The following LPA variants were observed in gnomAD, a reference collection of about 807,000 sequenced individuals.
The protein encoded by LPA is lipoprotein(a).
In LPA, 199 loss-of-function variants were observed where a neutral mutation model predicts 197.9. The ratio of observed to expected loss-of-function variants is 1.01; its 90% CI spans 0.90 to 1.13. The LOEUF is 1.13. LPA is among the 50% of genes most tolerant of loss of function. The pLI is 0.00. For synonymous variants in LPA, 715 were observed against 639.5 expected, an observed-to-expected ratio of 1.12 and a Z score of -1.78; for missense variants, 1,853 against 1,785.8, an observed-to-expected ratio of 1.04 and a Z score of -0.68.
chr6:160,610,699 T>C (rs1779481546), intron 16 of LPA, among the ~76,000 whole-genome samples: 1 of 152,086 alleles, frequency 6.6e-6, no homozygotes, highest in African/African-American at 2.4e-5. Context: ...ACCAGAGTCA[T>C]CCCAAACTCC....
intron 19 of LPA, among the ~76,000 whole-genome samples, chr6:160,600,237 G>A (rs955495215): frequency 4.6e-5 from 7 of 152,096 alleles, no homozygotes; most frequent in Non-Finnish European, 1.0e-4. Flanking sequence ...AATAAGATAG[G>A]GAATCCTCTC....
chr6:160,613,373 AAC>A (rs1246022113), intron 14 of LPA, among the ~76,000 whole-genome samples: 4 of 78,552 alleles, frequency 5.1e-5, no homozygotes, highest in Non-Finnish European at 8.5e-5. Context: ...ACACTGAGAT[AAC>A]ACACACACGT....
At position 160,589,623 on chromosome 6, in the gene LPA, T is replaced by C; in HGVS notation, c.3877A>G (p.Arg1293Gly). Residue 1293 changes from arginine (R) to glycine (G), a missense_variant, in exon 24 of 39, where the codon AGG (arginine) becomes GGG (glycine). Arg to Gly is a moderately radical substitution (Grantham distance 125). Around this residue, in one of 3 missense-constraint regions of LPA, gnomAD observed 1,737 missense variants for 1,504.4 expected, o/e 1.15. Transcript: ENST00000316300. The part of the protein sequence containing the change: ...RGSFSTTVTG[R>G]TCQSWSSMTP... ...ATAGAGGACCAAGACTGACATGTCC[T>C]TCCTGTAACAGTGGTGGAGAATGAG... The C allele has an allele frequency of 6.2e-7, 1 of 1,613,992 alleles. No homozygotes were observed. Among genetic ancestry groups the C allele is most frequent in the Non-Finnish European group, 8.5e-7 (1 of 1,179,884 alleles).
chr6:160,657,676 C>T (rs188308776), intron 1 of LPA, among the ~76,000 whole-genome samples: 9 of 152,298 alleles, frequency 5.9e-5, no homozygotes, highest in East Asian at 5.8e-4. Flanking sequence ...GGATTACAGG[C>T]GTGAGCCACT....
intron 25 of LPA, among the ~76,000 whole-genome samples, chr6:160,585,521 A>G (rs1394044825): frequency 6.6e-6 from 1 of 152,136 alleles, no homozygotes; most frequent in East Asian, 1.9e-4. Flanking sequence ...CTGGGTGTTC[A>G]TGAGAACAAG....
chr6:160,563,174 G>C (rs1778391440), intron 28 of LPA, among the ~76,000 whole-genome samples: 1 of 152,120 alleles, frequency 6.6e-6, no homozygotes, highest in Non-Finnish European at 1.5e-5. Context: ...GTTGATTTTA[G>C]ATCTTTCCCG....
intron 26 of LPA, among the ~76,000 whole-genome samples, chr6:160,584,356 G>A (rs571848809): frequency 0.078 from 7,545 of 96,460 alleles, 425 homozygotes; most frequent in Non-Finnish European, 0.12. Flanking sequence ...TTTTGAGATT[G>A]AGTCTTGCTC....
intron 2 of LPA, among the ~76,000 whole-genome samples, chr6:160,648,028 C>T (rs575145211): frequency 6.6e-5 from 10 of 152,220 alleles, no homozygotes; most frequent in East Asian, 5.8e-4. Context: ...TTACAGTTTC[C>T]GGTTTCTTTG....
intron 28 of LPA, among the ~76,000 whole-genome samples, chr6:160,568,151 C>A (rs1374168397): frequency 6.6e-6 from 1 of 152,184 alleles, no homozygotes; most frequent in Admixed American, 6.5e-5. Context: ...AGGCCAGCAT[C>A]ATCCTGATAC....
intron 1 of LPA, among the ~76,000 whole-genome samples, chr6:160,661,264 G>A (rs989590050): frequency 3.9e-5 from 6 of 152,268 alleles, no homozygotes; most frequent in Non-Finnish European, 7.3e-5. Context: ...TTTGAGGGGT[G>A]TGGTGGGGGC....
At chr6:160,581,311 A>T (rs965037995) in intron 26 of LPA, among the ~76,000 whole-genome samples, 2 of 151,660 alleles carry the variant, frequency 1.3e-5, no homozygotes, top group Admixed American at 6.6e-5. Context: ...TGTTTGTTTG[A>T]GAGAGAGAGG....
intron 35 of LPA, among the ~76,000 whole-genome samples, chr6:160,540,723 T>G (rs1381529125): frequency 6.6e-6 from 1 of 152,214 alleles, no homozygotes; most frequent in East Asian, 1.9e-4. Flanking sequence ...CTGTAAAGCC[T>G]GCAGAAACAT....
In LPA at chr6:160,654,003, T is replaced by TAATATATAA. The variant is rs1780065661; in HGVS notation, c.50-3507_50-3506insTTATATATT. On this transcript the variant is annotated intron_variant, in intron 1 of 38. Transcript: ENST00000316300. ...TATAATATATAATATATATTATATATAATATATATTATATATAATATATAA... is the reference window on the plus strand; with the variant it reads ...TATAATATATAATATATATTATATATAATATATAAAATATATATTATATATAATATATAA... Among the ~76,000 whole-genome samples, 13 of 29,962 alleles carry TAATATATAA rather than the reference T, an allele frequency of 4.3e-4. 2 individuals are homozygous for TAATATATAA. Among genetic ancestry groups the TAATATATAA allele is most frequent in the African/African-American group, 2.5e-3 (12 of 4,856 alleles). The allele number at this position is 29,962 out of a possible 152,430, so 19.7% of individuals were successfully genotyped here. A position where few individuals can be genotyped will look rare whatever the true frequency, so the allele number is the denominator to read the frequency against.
intron 28 of LPA, among the ~76,000 whole-genome samples, chr6:160,569,664 G>A (rs1160376242): frequency 2.0e-5 from 3 of 152,118 alleles, no homozygotes; most frequent in East Asian, 1.9e-4. Context: ...CTTCTGCACA[G>A]CAAAAGAAAC....
intron 26 of LPA, among the ~76,000 whole-genome samples, chr6:160,583,780 T>C (rs1441755952): frequency 6.6e-6 from 1 of 152,134 alleles, no homozygotes; most frequent in Non-Finnish European, 1.5e-5. Flanking sequence ...AACTCCAGTC[T>C]CTCTCCCCAG....
intron 28 of LPA, among the ~76,000 whole-genome samples, chr6:160,560,251 C>G (rs572380964): frequency 2.6e-5 from 4 of 152,138 alleles, no homozygotes; most frequent in Non-Finnish European, 4.4e-5. Flanking sequence ...AATAAACATA[C>G]GTGTGCATGT....
intron 17 of LPA, among the ~76,000 whole-genome samples, chr6:160,605,597 G>T (rs1216064374): frequency 2.0e-5 from 3 of 152,164 alleles, no homozygotes; most frequent in African/African-American, 7.2e-5. Context: ...GATGCATTTG[G>T]GGGTACAGGC....
intron 29 of LPA, among the ~76,000 whole-genome samples, chr6:160,556,720 A>G (rs1444086062): frequency 6.6e-6 from 1 of 152,118 alleles, no homozygotes; most frequent in African/African-American, 2.4e-5. Flanking sequence ...ATTCCCTTAC[A>G]GTAGAGACAG....
intron 28 of LPA, among the ~76,000 whole-genome samples, chr6:160,558,035 T>C (rs1052354996): frequency 6.6e-6 from 1 of 151,864 alleles, no homozygotes; most frequent in Non-Finnish European, 1.5e-5. Flanking sequence ...TTCTCCTGCC[T>C]CAGTCTCCTG....
Sources: gnomAD v4.1 joint callset for allele counts (sites outside exome capture counted in the v4.1 genomes callset) on GRCh38, gnomAD v4.1.1 for gene constraint, gnomAD v4.1.1 regional missense constraint, MANE v1.5 for transcripts, NCBI Gene and HGNC (gene_info 2026-07-23, HGNC 2026-07-21) for gene names.